RBFOX1: variants seen among roughly 807,000 people sequenced by gnomAD.
RBFOX1 encodes RNA binding protein fox-1 homolog 1.
In RBFOX1, 8 loss-of-function variants were observed where a neutral mutation model predicts 57.7. The observed-to-expected ratio is 0.14, with a 90% CI of 0.08 to 0.25. The LOEUF (loss-of-function observed/expected upper bound fraction) is 0.25. RBFOX1 is among the 10% of genes least tolerant of loss of function. The pLI is 1.00. For missense variants in RBFOX1, 611 were observed against 548.5 expected, an observed-to-expected ratio of 1.11 and a Z score of -1.14; for synonymous variants, 326 against 222.4, an observed-to-expected ratio of 1.47 and a Z score of -4.15.
intron 4 of RBFOX1, among the ~76,000 whole-genome samples, chr16:7,151,493 ATCT>A (rs1295297539): frequency 5.3e-5 from 8 of 152,072 alleles, no homozygotes; most frequent in African/African-American, 1.9e-4. Flanking sequence ...TCTGGAGCAG[ATCT>A]TCTTCACAGG....
chr16:6,640,351 G>A (rs1186317101), intron 2 of RBFOX1, among the ~76,000 whole-genome samples: 1 of 152,070 alleles, frequency 6.6e-6, no homozygotes, highest in Non-Finnish European at 1.5e-5. Flanking sequence ...GCTCACATCT[G>A]TAATCCCAGA....
At chr16:5,511,209 C>T (rs1371681343) in intron 2 of RBFOX1, among the ~76,000 whole-genome samples, 1 of 152,172 alleles carries the variant, frequency 6.6e-6, no homozygotes, top group Non-Finnish European at 1.5e-5. Context: ...CAAGAAGCAG[C>T]AGTGGCAGCA....
At chr16:6,913,097 C>T (rs749381687) in intron 3 of RBFOX1, among the ~76,000 whole-genome samples, 9 of 152,160 alleles carry the variant, frequency 5.9e-5, no homozygotes, top group South Asian at 2.1e-4. Flanking sequence ...ATGGAAGCAA[C>T]GTCTGTCCAC....
chr16:5,889,368 A>G (rs1030486142), intron 4 of RBFOX1, among the ~76,000 whole-genome samples: 1 of 152,140 alleles, frequency 6.6e-6, no homozygotes, highest in Non-Finnish European at 1.5e-5. Flanking sequence ...AATGGCTTCC[A>G]GTTCCATGTC....
chr16:7,154,741 G>T (rs1021806746), intron 4 of RBFOX1, among the ~76,000 whole-genome samples: 4 of 147,886 alleles, frequency 2.7e-5, no homozygotes, highest in African/African-American at 1.0e-4. Flanking sequence ...GTGAATATTT[G>T]CATGTACCAC....
In RBFOX1 at chr16:5,464,695, G is replaced by A. The variant is rs546527383; in HGVS notation, c.220-2521G>A. Among the ~76,000 whole-genome samples the A allele has an allele frequency of 3.9e-5, 6 of 152,348 alleles. No individual in the cohort carries two copies. The East Asian group carries it at 1.2e-3, about 29-fold the overall frequency. On this transcript the variant is annotated intron_variant, in intron 1 of 2. Coordinates refer to the RBFOX1 transcript ENST00000585867. Reference sequence around the variant, plus strand: ...GTCTCCAGCATTCAGCCCAGCTGTGGAGGGTGGATGGCAAGAAGCAAAGAA... The same window carrying A: ...GTCTCCAGCATTCAGCCCAGCTGTGAAGGGTGGATGGCAAGAAGCAAAGAA...
chr16:6,858,626 C>A (rs925794967), intron 3 of RBFOX1, among the ~76,000 whole-genome samples: 2 of 152,104 alleles, frequency 1.3e-5, no homozygotes, highest in Admixed American at 1.3e-4. Context: ...CAGACGATTT[C>A]ATTTAGTTTA....
intron 2 of RBFOX1, among the ~76,000 whole-genome samples, chr16:6,338,472 A>G (rs1359659753): frequency 6.6e-6 from 1 of 152,232 alleles, no homozygotes; most frequent in East Asian, 1.9e-4. Flanking sequence ...TAGGCAGATG[A>G]GTTGATCTTT....
chr16:7,420,105 G>A (rs938345282), intron 4 of RBFOX1, among the ~76,000 whole-genome samples: 6 of 151,918 alleles, frequency 3.9e-5, no homozygotes, highest in Admixed American at 6.6e-5. Context: ...CCTGTTCAGC[G>A]TTTGACAACT....
chr16:6,431,890 TTGCTTG>T (rs2094099279), intron 2 of RBFOX1, among the ~76,000 whole-genome samples: 3 of 112,852 alleles, frequency 2.7e-5, no homozygotes, highest in African/African-American at 7.2e-5. Context: ...ATATGCTTGC[TTGCTTG>T]CTTTCTTTCT....
chr16:5,630,205 C>G (rs1031221591), intron 3 of RBFOX1, among the ~76,000 whole-genome samples: 2 of 152,112 alleles, frequency 1.3e-5, no homozygotes, highest in East Asian at 1.9e-4. Flanking sequence ...GCCTGTAATC[C>G]CAGGACTTTG....
At chr16:5,707,995 G>A (rs74006211) in intron 3 of RBFOX1, among the ~76,000 whole-genome samples, 110 of 152,254 alleles carry the variant, frequency 7.2e-4, no homozygotes, top group African/African-American at 2.5e-3. Context: ...AAATTTGGCA[G>A]TGTATTCAAA....
chr16:6,677,682 G>T (rs2057971952), intron 3 of RBFOX1, among the ~76,000 whole-genome samples: 1 of 152,152 alleles, frequency 6.6e-6, no homozygotes. Flanking sequence ...TTGGACGGCT[G>T]TATCCATAGA....
At chr16:7,296,357 T>C (rs1432473845) in intron 4 of RBFOX1, among the ~76,000 whole-genome samples, 1 of 151,958 alleles carries the variant, frequency 6.6e-6, no homozygotes, top group Non-Finnish European at 1.5e-5. Context: ...TGTGTATGTA[T>C]GAATGTACTA....
At chr16:5,352,713 TG>T (rs1030456246) in intron 1 of RBFOX1, among the ~76,000 whole-genome samples, 2 of 152,020 alleles carry the variant, frequency 1.3e-5, no homozygotes, top group African/African-American at 4.8e-5. Context: ...GAGGCCAAGG[TG>T]GGGGGATTGC....
At chr16:7,022,528 A>C (rs2039616813) in intron 3 of RBFOX1, among the ~76,000 whole-genome samples, 1 of 152,104 alleles carries the variant, frequency 6.6e-6, no homozygotes, top group Non-Finnish European at 1.5e-5. Flanking sequence ...CTGTGAGGTC[A>C]GGAACTAGGC....
intron 3 of RBFOX1, among the ~76,000 whole-genome samples, chr16:6,872,347 CTCTCTTTT>C (rs2061074976): frequency 6.6e-6 from 1 of 152,112 alleles, no homozygotes; most frequent in African/African-American, 2.4e-5. Flanking sequence ...CTCTCTGTTT[CTCTCTTTT>C]TCTCTTTCTC....
intron 3 of RBFOX1, among the ~76,000 whole-genome samples, chr16:6,667,956 C>G (rs926628007): frequency 6.6e-6 from 1 of 152,158 alleles, no homozygotes; most frequent in East Asian, 1.9e-4. Context: ...TGCTTTCGTC[C>G]TACTCTTTTT....
Position 5,962,079 on chromosome 16 carries a change from C to G in RBFOX1, c.351+94744C>G, listed in dbSNP as rs987258943. ...AAATAGCCCCTGGAGATCCAGCCAT[C>G]GCTTACATGTTCCAGGTGGTATGAT... On this transcript the variant is annotated intron_variant, in intron 4 of 19. Coordinates refer to the RBFOX1 transcript ENST00000641259. Among the ~76,000 whole-genome samples, 3 of 152,240 alleles carry G rather than the reference C, an allele frequency of 2.0e-5. No homozygotes were observed. The East Asian group carries it at 5.8e-4, about 29-fold the overall frequency.
Sources: allele counts gnomAD v4.1 joint callset (sites outside exome capture counted in the v4.1 genomes callset), GRCh38; gene constraint gnomAD v4.1.1; transcripts MANE v1.5; gene names NCBI Gene and HGNC (gene_info 2026-07-23, HGNC 2026-07-21).